CHD6: variants seen among roughly 807,000 people sequenced by gnomAD.
The protein encoded by CHD6 is chromodomain helicase DNA binding protein 6.
Under a neutral mutation model 276.9 loss-of-function variants are expected in CHD6, and 50 were observed. The ratio of observed to expected loss-of-function variants is 0.18; its 90% CI spans 0.14 to 0.23. CHD6 has a LOEUF of 0.23. Among genes scored for constraint, CHD6 ranks in the 10% least tolerant of loss-of-function variants. The pLI, the probability that CHD6 is intolerant of heterozygous loss-of-function variation, is 1.00. For missense variants in CHD6, 2,564 were observed against 3,365.8 expected, an observed-to-expected ratio of 0.76 and a Z score of 5.89; for synonymous variants, 1,173 against 1,229.3, an observed-to-expected ratio of 0.95 and a Z score of 0.96.
In CHD6 at chr20:41,404,958, C is replaced by T. The variant is rs757042669; in HGVS notation, c.7783G>A (p.Asp2595Asn). ...GTAGTTATTGCAGGTTCAGACTGAT[C>T]AGAAAATGGACCTGGACCAGGCTTG... The part of the protein sequence containing the change: ...EDKPGPGPFS[D>N]QSEPAITTSS... The change falls in exon 37 of 37, where the codon GAT (aspartate) becomes AAT (asparagine). Residue 2595 changes from aspartate (D) to asparagine (N), a missense_variant. Asp to Asn is a conservative substitution (Grantham distance 23). This residue lies in a region of CHD6 where 238 missense variants were observed against 266.0 expected (regional missense o/e 0.89). Coordinates refer to ENST00000373233, the MANE Select transcript of CHD6 (RefSeq NM_032221.5). 8 of 1,614,208 alleles carry T rather than the reference C, an allele frequency of 5.0e-6. No individual in the cohort carries two copies. The highest frequency in any genetic ancestry group is 5.1e-6 in the Non-Finnish European group (6 of 1,180,046).
At chr20:41,594,255 C>T (rs1485493120) in intron 1 of CHD6, among the ~76,000 whole-genome samples, 1 of 152,162 alleles carries the variant, frequency 6.6e-6, no homozygotes, top group Non-Finnish European at 1.5e-5. Context: ...ATTTTCAGGA[C>T]CATATGCTAA....
chr20:41,612,980 C>T (rs1297292925), intron 1 of CHD6, among the ~76,000 whole-genome samples: 2 of 152,050 alleles, frequency 1.3e-5, no homozygotes, highest in Non-Finnish European at 2.9e-5. Flanking sequence ...TTTTTCATTA[C>T]TCTAATATTG....
rs180972424 is a variant in CHD6, at chr20:41,598,256, C to T, written c.-24+20084G>A. Among the ~76,000 whole-genome samples the T allele has an allele frequency of 5.3e-5, 8 of 152,154 alleles. No individual in the cohort carries two copies. In the East Asian group the frequency reaches 9.7e-4, roughly 18 times the overall value. On this transcript the variant is annotated intron_variant, in intron 1 of 36. Transcript: ENST00000373233. ...CTACAGGATTTTTCAAAATTAGTTTCGTTGCCTCGTCATCCCCTCCGCCCT... is the reference window on the plus strand; with the variant it reads ...CTACAGGATTTTTCAAAATTAGTTTTGTTGCCTCGTCATCCCCTCCGCCCT...
intron 3 of CHD6, among the ~76,000 whole-genome samples, chr20:41,522,679 G>A (rs1480158497): frequency 1.3e-5 from 2 of 151,636 alleles, no homozygotes; most frequent in African/African-American, 4.8e-5. Context: ...TACATAAATA[G>A]ATATTTATTG....
At position 41,404,812 on chromosome 20, in the gene CHD6, T is replaced by G. The variant is rs775652248; in HGVS notation, c.7929A>C (p.Arg2643Ser). Reference protein sequence around the residue: ...GMALPAMQQARHSEIVGLESQ... With the variant: ...GMALPAMQQASHSEIVGLESQ... ...TCTCCAGACCTACTATTTCCGAGTG[T>G]CTGGCCTGCTGCATGGCTGGCAGAG... is the stretch of plus-strand genomic sequence containing the variant. Residue 2643 changes from arginine (R) to serine (S), a missense_variant, in exon 37 of 37, where the codon AGA (arginine) becomes AGC (serine). By Grantham distance (110) the Arg-to-Ser change is moderately radical. This residue lies in a region of CHD6 where 238 missense variants were observed against 266.0 expected (regional missense o/e 0.89). Transcript: ENST00000373233. The G allele has an allele frequency of 8.7e-6, 14 of 1,613,786 alleles. No individual in the cohort carries two copies. In the Admixed American group the frequency reaches 2.3e-4, roughly 27 times the overall value.
At position 41,508,958 on chromosome 20, in the gene CHD6, A is replaced by AT. The variant is rs541207497; in HGVS notation, c.852+3887dup. Among the ~76,000 whole-genome samples, 160 of 152,328 alleles carry AT rather than the reference A, an allele frequency of 1.1e-3. 1 individual carries two copies. Among genetic ancestry groups the AT allele is most frequent in the Middle Eastern group, 0.01 (3 of 294 alleles). ...TTAAACATATTTATTCACTCACTGA[A>AT]TAAGTTATTTGATAAGTTCAACTAA... is the stretch of plus-strand genomic sequence containing the variant. On this transcript the variant is annotated intron_variant, in intron 5 of 36. Transcript: ENST00000373233.
rs766821070 is a variant in CHD6 at position 41,416,640 on chromosome 20, G to C, written c.6434C>G (p.Ala2145Gly). 2 of 1,613,946 alleles carry C rather than the reference G, an allele frequency of 1.2e-6. No homozygotes were observed. The highest frequency in any genetic ancestry group is 1.1e-5 in the South Asian group (1 of 91,072). ...GCCGTTGCTGAAGCTGTGTTCTGCT[G>C]CTTCCGGCTCTGAGAGGCTGGTTCG... Reference protein sequence around the residue: ...GSRTSLSEPEAAEHSFSNGAA... With the variant: ...GSRTSLSEPEGAEHSFSNGAA... Residue 2145 changes from alanine to glycine, a missense_variant, in exon 33 of 37, where the codon GCA becomes GGA. Physicochemically the swap from Ala to Gly is moderately conservative, Grantham distance 60. Transcript: ENST00000373233.
chr20:41,551,673 T>A (rs139565883), intron 1 of CHD6, among the ~76,000 whole-genome samples: 3 of 152,336 alleles, frequency 2.0e-5, no homozygotes, highest in Non-Finnish European at 4.4e-5. Context: ...TAACATGCCT[T>A]TACTGAGAGG....
At chr20:41,411,068 A>G (rs955006458) in intron 36 of CHD6, among the ~76,000 whole-genome samples, 4 of 152,172 alleles carry the variant, frequency 2.6e-5, no homozygotes, top group African/African-American at 9.7e-5. Flanking sequence ...ACATTTTCTG[A>G]GACTAAAGCA....
At chr20:41,599,312 C>T (rs1449174420) in intron 1 of CHD6, among the ~76,000 whole-genome samples, 1 of 152,058 alleles carries the variant, frequency 6.6e-6, no homozygotes, top group Non-Finnish European at 1.5e-5. Flanking sequence ...CCCGATGGAA[C>T]AATTACAAAA....
At chr20:41,416,562 T>G (rs754242408) in intron 33 of CHD6, 26 bp downstream of exon 33, 6 of 1,588,144 alleles carry the variant, frequency 3.8e-6, no homozygotes, top group Non-Finnish European at 5.2e-6. Context: ...CTTTGTTTTG[T>G]GGTCACTCCA....
At chr20:41,539,866 A>G (rs6072412) in intron 2 of CHD6, among the ~76,000 whole-genome samples, 60,587 of 152,060 alleles carry the variant, frequency 0.4, 14,623 homozygotes, top group African/African-American at 0.66. Context: ...ATACTACGCA[A>G]CCATTATTAT....
chr20:41,516,317 G>C (rs750311398), intron 3 of CHD6, among the ~76,000 whole-genome samples: 8 of 152,010 alleles, frequency 5.3e-5, no homozygotes, highest in Non-Finnish European at 1.0e-4. Context: ...CCGTCACCAC[G>C]CATGGCTAAT....
intron 2 of CHD6, among the ~76,000 whole-genome samples, chr20:41,535,201 T>TA (rs761902202): frequency 1.3e-5 from 2 of 152,080 alleles, no homozygotes; most frequent in Non-Finnish European, 2.9e-5. Flanking sequence ...CCAAAGAAGC[T>TA]AGAAGCAGGT....
intron 17 of CHD6, among the ~76,000 whole-genome samples, chr20:41,462,239 A>G (rs1401841293): frequency 6.6e-6 from 1 of 152,232 alleles, no homozygotes; most frequent in African/African-American, 2.4e-5. Context: ...TCAACCTCAC[A>G]TCTGTATTTC....
chr20:41,417,136 A>G (rs1004920448), intron 32 of CHD6, 62 bp downstream of exon 32: 1 of 1,483,742 alleles, frequency 6.7e-7, no homozygotes, highest in Non-Finnish European at 9.1e-7. Flanking sequence ...AAGGGTTAAA[A>G]AAAGCAATTC....
intron 14 of CHD6, 116 bp downstream of exon 14, chr20:41,487,549 G>A (rs946075125): frequency 1.9e-5 from 19 of 980,572 alleles, no homozygotes; most frequent in Non-Finnish European, 2.6e-5. Context: ...AGGAGGTAAC[G>A]CTCATTTTAC....
intron 3 of CHD6, among the ~76,000 whole-genome samples, chr20:41,527,070 T>C (rs1020042524): frequency 1.3e-5 from 2 of 152,200 alleles, no homozygotes; most frequent in African/African-American, 4.8e-5. Flanking sequence ...TTCTCATATG[T>C]GTGGAAATTC....
Position 41,410,960 on chromosome 20 carries a change from G to A in CHD6, c.7251+1184C>T, listed in dbSNP as rs148378659. Among the ~76,000 whole-genome samples the A allele has an allele frequency of 2.0e-4, 31 of 152,244 alleles. No homozygotes were observed. In the East Asian group the frequency reaches 4.6e-3, roughly 23 times the overall value. On this transcript the variant is annotated intron_variant, in intron 36 of 36. Coordinates refer to ENST00000373233, the MANE Select transcript of CHD6 (RefSeq NM_032221.5). Reference sequence around the variant, plus strand: ...GGTGGGAGGCAGCGTGAAGGGGTGAGGAAAGACAGAGGGGACACAAACAAA... The same window carrying A: ...GGTGGGAGGCAGCGTGAAGGGGTGAAGAAAGACAGAGGGGACACAAACAAA...
Sources: gnomAD v4.1 joint callset for allele counts (sites outside exome capture counted in the v4.1 genomes callset) on GRCh38, gnomAD v4.1.1 for gene constraint, gnomAD v4.1.1 regional missense constraint, MANE v1.5 for transcripts, NCBI Gene and HGNC (gene_info 2026-07-23, HGNC 2026-07-21) for gene names.